Variants in ARID3A observed in about 807,000 individuals in gnomAD.
ARID3A encodes the protein AT-rich interaction domain 3A.
In ARID3A, 11 loss-of-function variants were observed where a neutral mutation model predicts 52.7. The ratio of observed to expected loss-of-function variants is 0.21; its 90% confidence interval spans 0.13 to 0.35. The LOEUF is 0.35. Ranked by LOEUF, ARID3A falls within the 10% of genes least tolerant of loss-of-function variation. The pLI, the probability that ARID3A is intolerant of heterozygous loss-of-function variation, is 1.00. For synonymous variants in ARID3A, 404 were observed against 359.4 expected (o/e 1.12, Z -1.40); for missense variants, 721 against 838.5 (o/e 0.86, Z 1.73).
At chr19:926,947 C>T (rs1002469708) in intron 1 of ARID3A, among the ~76,000 whole-genome samples, 1 of 151,464 alleles carries the variant, frequency 6.6e-6, no homozygotes, top group Non-Finnish European at 1.5e-5. Flanking sequence ...GGGTTTCTGT[C>T]TTCTTATTTC....
At position 975,030 on chromosome 19, in the gene ARID3A, G is replaced by A; in HGVS notation, c.*2965G>A. ...GCCGTGTCTGCAGAGGCTCCTCCCT[G>A]CCTCAGGTGGCCCCGTTCAACCCCA... On this transcript the variant is annotated 3_prime_UTR_variant, in exon 9 of 9. Coordinates refer to ENST00000263620, the MANE Select transcript of ARID3A (RefSeq NM_005224.3). 1 of 232,336 alleles carries A rather than the reference G, an allele frequency of 4.3e-6. No homozygotes were observed. The highest frequency in any genetic ancestry group is 8.5e-6 in the Non-Finnish European group (1 of 117,498). The allele number at this position is 232,336 out of a possible 1,614,324, so 14.4% of individuals were successfully genotyped here.
chr19:950,361 GAT>G (rs2037779850), intron 3 of ARID3A, among the ~76,000 whole-genome samples: 1 of 57,288 alleles, frequency 1.7e-5, no homozygotes, highest in African/African-American at 6.5e-5. Flanking sequence ...GGAACGGATG[GAT>G]GAGGCCGTCC....
intron 3 of ARID3A, among the ~76,000 whole-genome samples, chr19:957,826 A>G (rs1027535425): frequency 6.6e-6 from 1 of 152,164 alleles, no homozygotes; most frequent in Non-Finnish European, 1.5e-5. Flanking sequence ...GCTGGGCAAC[A>G]GAGTGAGACC....
chr19:965,232 G>A (rs761170373), intron 6 of ARID3A, 152 bp downstream of exon 6: 14 of 884,492 alleles, frequency 1.6e-5, no homozygotes, highest in Non-Finnish European at 2.3e-5. Flanking sequence ...CCAGTCCTCT[G>A]CCTATGGCAG....
At chr19:935,114 T>C (rs907884165) in intron 3 of ARID3A, among the ~76,000 whole-genome samples, 6 of 152,182 alleles carry the variant, frequency 3.9e-5, no homozygotes, top group African/African-American at 1.4e-4. Context: ...GTGGCAGGCC[T>C]GGCCCGCTGG....
intron 3 of ARID3A, among the ~76,000 whole-genome samples, chr19:955,592 C>T (rs948986506): frequency 2.6e-5 from 4 of 152,208 alleles, no homozygotes; most frequent in Admixed American, 1.3e-4. Context: ...GTGAGGGTAG[C>T]TGGGGCGCCA....
chr19:950,910 C>T (rs902930289), intron 3 of ARID3A, among the ~76,000 whole-genome samples: 1 of 152,050 alleles, frequency 6.6e-6, no homozygotes, highest in Non-Finnish European at 1.5e-5. Flanking sequence ...ACAACCTCTG[C>T]CTCCCGGGTT....
chr19:932,353 G>C, intron 2 of ARID3A, 65 bp from the exon 3 acceptor site: 1 of 1,563,734 alleles, frequency 6.4e-7, no homozygotes, highest in Non-Finnish European at 8.6e-7. Context: ...CGGGGAGTGG[G>C]TCTTTCCTTG....
At chr19:935,120 G>A (rs528978224) in intron 3 of ARID3A, among the ~76,000 whole-genome samples, 27 of 152,326 alleles carry the variant, frequency 1.8e-4, no homozygotes, top group African/African-American at 5.8e-4. Context: ...GGCCTGGCCC[G>A]CTGGCCGGCC....
At position 938,749 on chromosome 19, in the gene ARID3A, C is replaced by A. The variant is rs1051620158; in HGVS notation, c.693+6007C>A. ...CTCAGGCTCAAGGCCAGACACACCTCGCTGGGCCCAGCCCCAGAGACCGCT... is the reference window on the plus strand; with the variant it reads ...CTCAGGCTCAAGGCCAGACACACCTAGCTGGGCCCAGCCCCAGAGACCGCT... On this transcript the variant is annotated intron_variant, in intron 3 of 8. Transcript: ENST00000263620. This position sits in a 1 kb window ranked among gnomAD's most constrained non-coding sequence, Gnocchi z 4.0. Among the ~76,000 whole-genome samples, 9 of 152,238 alleles carry A rather than the reference C, an allele frequency of 5.9e-5. No individual in the cohort carries two copies. The highest frequency in any genetic ancestry group is 1.2e-4 in the Non-Finnish European group (8 of 68,012).
At chr19:966,454 G>A (rs546173005) in intron 6 of ARID3A, 118 bp from the exon 7 acceptor site, 42,666 of 812,536 alleles carry the variant, frequency 0.053, 1,305 homozygotes, top group Non-Finnish European at 0.058. Flanking sequence ...GTGAAACTCC[G>A]TCTCAAAAAA....
chr19:927,373 G>T (rs1029293689), intron 1 of ARID3A, among the ~76,000 whole-genome samples: 1 of 151,922 alleles, frequency 6.6e-6, no homozygotes, highest in African/African-American at 2.4e-5. Flanking sequence ...GGCGATGGGG[G>T]GGCACCCAGC....
intron 3 of ARID3A, among the ~76,000 whole-genome samples, chr19:946,353 CCGGG>C (rs1358259212): frequency 1.3e-5 from 2 of 151,980 alleles, no homozygotes. Context: ...GCTCCGCCTC[CCGGG>C]TTCAAGCGAT....
rs1308705810 is a variant in ARID3A at position 941,352 on chromosome 19, A to C, written c.693+8610A>C. Among the ~76,000 whole-genome samples, 1 of 152,054 alleles carries C rather than the reference A, an allele frequency of 6.6e-6. No individual in the cohort carries two copies. Among genetic ancestry groups the C allele is most frequent in the Non-Finnish European group, 1.5e-5 (1 of 67,998 alleles). ...CAGACACAGCATCTTCGGACCCTCC[A>C]AGGCCTCTGCCCACCGGGCACCTGC... On this transcript the variant is annotated intron_variant, in intron 3 of 8. Coordinates refer to ENST00000263620, the MANE Select transcript of ARID3A (RefSeq NM_005224.3). This position sits in a 1 kb window ranked among gnomAD's most constrained non-coding sequence, Gnocchi z 6.9.
At chr19:934,199 G>A (rs1343170748) in intron 3 of ARID3A, among the ~76,000 whole-genome samples, 1 of 152,214 alleles carries the variant, frequency 6.6e-6, no homozygotes, top group Non-Finnish European at 1.5e-5. Context: ...TAGCCAAGCC[G>A]AGAGGGAGGG....
intron 2 of ARID3A, among the ~76,000 whole-genome samples, chr19:931,481 C>T (rs1239521895): frequency 1.3e-5 from 2 of 149,030 alleles, no homozygotes; most frequent in East Asian, 2.0e-4. Flanking sequence ...CCAAACAAAA[C>T]CTAGCAGCAA....
In ARID3A at chr19:954,962, T is replaced by TG. The variant is rs565399547; in HGVS notation, c.694-5126dup. 1.1e-3 allele frequency among the ~76,000 whole-genome samples: 163 copies of TG among 152,226 alleles called. 1 individual carries two copies. The highest frequency in any genetic ancestry group is 3.7e-3 in the African/African-American group (155 of 41,546). The stretch of plus-strand genomic sequence containing the variant: ...GCCGCTTATCTCGGCCCTCAGCCCC[T>TG]GGGGAGGGAGTTTCCGGAGATTTTG... On this transcript the variant is annotated intron_variant, in intron 3 of 8. Coordinates refer to ENST00000263620, the MANE Select transcript of ARID3A (RefSeq NM_005224.3).
rs1170913515 is a variant in ARID3A, at chr19:972,808, A to C, written c.*743A>C. On this transcript the variant is annotated 3_prime_UTR_variant, in exon 9 of 9. Coordinates refer to ENST00000263620, the MANE Select transcript of ARID3A (RefSeq NM_005224.3). The stretch of plus-strand genomic sequence containing the variant: ...AAAAGCAAGAAAAAAAAGCAAAAAA[A>C]AAAAAAAAAAAAAAAAAAAAAAACT... 5 of 18,354 alleles carry C rather than the reference A, an allele frequency of 2.7e-4. No individual in the cohort carries two copies. The highest frequency in any genetic ancestry group is 1.9e-3 in the East Asian group (4 of 2,122). 1.1% of individuals were successfully genotyped at this position (18,354 alleles called of 1,614,324 possible).
rs184216599 is a variant in ARID3A at position 936,272 on chromosome 19, G to A, written c.693+3530G>A. Among the ~76,000 whole-genome samples the A allele has an allele frequency of 1.3e-4, 20 of 152,334 alleles. No individual in the cohort carries two copies. In the East Asian group the frequency reaches 3.3e-3, roughly 25 times the overall value. On this transcript the variant is annotated intron_variant, in intron 3 of 8. Transcript: ENST00000263620. Reference sequence around the variant, plus strand: ...TCACTGTTTTAATTGTACGATTGGGGCCAGGCACAGTGGCTCACACCTGTG... The same window carrying A: ...TCACTGTTTTAATTGTACGATTGGGACCAGGCACAGTGGCTCACACCTGTG...
Sources: allele counts gnomAD v4.1 joint callset (sites outside exome capture counted in the v4.1 genomes callset), GRCh38; gene constraint gnomAD v4.1.1; non-coding constraint Gnocchi (gnomAD v3.1); transcripts MANE v1.5; gene names NCBI Gene and HGNC (gene_info 2026-07-23, HGNC 2026-07-21).